DPP6: variants seen among roughly 807,000 people sequenced by gnomAD.
DPP6 encodes the protein dipeptidyl peptidase like 6.
A neutral mutation model predicts 122.6 loss-of-function variants in DPP6; 69 were observed. The observed-to-expected ratio is 0.56, with a 90% CI of 0.46 to 0.69. The LOEUF (loss-of-function observed/expected upper bound fraction) is 0.69, where lower values mean the gene tolerates loss of function less well. DPP6 is among the 30% of genes least tolerant of loss of function. The pLI, the probability that DPP6 is intolerant of heterozygous loss-of-function variation, is 0.00. For missense variants in DPP6, 928 were observed against 1,116.9 expected, an observed-to-expected ratio of 0.83 and a Z score of 2.41; for synonymous variants, 418 against 433.1, an observed-to-expected ratio of 0.97 and a Z score of 0.43.
chr7:154,726,691 T>C (rs965997433), intron 7 of DPP6, among the ~76,000 whole-genome samples: 2 of 152,236 alleles, frequency 1.3e-5, no homozygotes, highest in African/African-American at 4.8e-5. Flanking sequence ...TCCTTTTACT[T>C]ATGCAAATTT....
intron 1 of DPP6, among the ~76,000 whole-genome samples, chr7:154,219,918 A>G (rs1194199942): frequency 6.6e-6 from 1 of 152,230 alleles, no homozygotes; most frequent in Non-Finnish European, 1.5e-5. Flanking sequence ...AAAGGCTGCC[A>G]AACCATTTCA....
chr7:154,772,714 C>T, intron 9 of DPP6, 131 bp from the exon 10 acceptor site: 1 of 1,235,476 alleles, frequency 8.1e-7, no homozygotes, highest in Non-Finnish European at 1.1e-6. Flanking sequence ...CACATTAATT[C>T]TGCTCCTTAA....
intron 1 of DPP6, among the ~76,000 whole-genome samples, chr7:153,909,005 G>A (rs1442239631): frequency 6.6e-6 from 1 of 152,142 alleles, no homozygotes; most frequent in Non-Finnish European, 1.5e-5. Context: ...GCCCGCCTCA[G>A]CCTTCCAAAG....
chr7:154,698,538 C>A (rs567014717), intron 7 of DPP6, among the ~76,000 whole-genome samples: 1 of 152,280 alleles, frequency 6.6e-6, no homozygotes, highest in Admixed American at 6.5e-5. Context: ...AAAAAGATCT[C>A]TGCTAATATA....
intron 1 of DPP6, among the ~76,000 whole-genome samples, chr7:153,966,606 T>A (rs781660230): frequency 1.2e-5 from 1 of 83,998 alleles, no homozygotes; most frequent in Non-Finnish European, 2.5e-5. Context: ...TAGCCCTTTT[T>A]TTTTAAAAAA....
intron 16 of DPP6, among the ~76,000 whole-genome samples, chr7:154,810,417 G>A (rs1050899398): frequency 3.9e-5 from 6 of 152,206 alleles, no homozygotes; most frequent in South Asian, 4.1e-4. Flanking sequence ...GCCTGGTGTT[G>A]GGAGGCTGCT....
At chr7:153,810,655 C>T in the DPP6 span, among the ~76,000 whole-genome samples, 4,679 of 61,114 alleles carry the variant, frequency 0.077, 231 homozygotes, top group African/African-American at 0.21. Flanking sequence ...CAAATCGCTC[C>T]CTCTCCTCTC....
chr7:154,314,099 A>G (rs1807213473), intron 1 of DPP6, among the ~76,000 whole-genome samples: 1 of 152,124 alleles, frequency 6.6e-6, no homozygotes, highest in Non-Finnish European at 1.5e-5. Flanking sequence ...TGACTTGCCA[A>G]TAGCTAACTT....
At chr7:154,206,341 T>A (rs183919528) in intron 1 of DPP6, among the ~76,000 whole-genome samples, 1 of 152,348 alleles carries the variant, frequency 6.6e-6, no homozygotes, top group Admixed American at 6.5e-5. Context: ...TCTAAGCCTG[T>A]GCACCACCCA....
chr7:153,975,388 ACTCT>A (rs200881823), intron 1 of DPP6, among the ~76,000 whole-genome samples: 2,863 of 146,976 alleles, frequency 0.019, 92 homozygotes, highest in African/African-American at 0.068. Context: ...GATTTTCTAG[ACTCT>A]CTATTAGAGA....
At chr7:153,989,992 C>CAA (rs1797078749) in intron 1 of DPP6, among the ~76,000 whole-genome samples, 1 of 134,668 alleles carries the variant, frequency 7.4e-6, no homozygotes, top group African/African-American at 2.8e-5. Context: ...CACCCCCCTG[C>CAA]CAGCCTTGCC....
intron 1 of DPP6, among the ~76,000 whole-genome samples, chr7:153,888,584 A>G (rs1009197027): frequency 6.6e-6 from 1 of 151,824 alleles, no homozygotes; most frequent in African/African-American, 2.4e-5. Flanking sequence ...CGAGGACGAG[A>G]GAGTTGCCAT....
intron 1 of DPP6, among the ~76,000 whole-genome samples, chr7:154,166,100 C>A (rs538474703): frequency 7.0e-4 from 107 of 152,346 alleles, no homozygotes; most frequent in African/African-American, 2.5e-3. Context: ...TGCTTCCTCA[C>A]TGGGATGTGG....
At chr7:154,232,155 T>C (rs574342380) in intron 1 of DPP6, among the ~76,000 whole-genome samples, 1 of 152,072 alleles carries the variant, frequency 6.6e-6, no homozygotes, top group East Asian at 1.9e-4. Context: ...TGAGGTGAGA[T>C]GACAAAGGGG....
At chr7:153,940,055 T>C (rs1324116827) in intron 1 of DPP6, among the ~76,000 whole-genome samples, 2 of 152,140 alleles carry the variant, frequency 1.3e-5, no homozygotes, top group African/African-American at 4.8e-5. Context: ...TTCTCACAAG[T>C]AAAATCATGC....
At chr7:153,952,358 A>G (rs1433928182) in intron 1 of DPP6, among the ~76,000 whole-genome samples, 8 of 152,280 alleles carry the variant, frequency 5.3e-5, no homozygotes, top group African/African-American at 1.7e-4. Context: ...CTAAGGCCAG[A>G]AAGATTAAGA....
intron 1 of DPP6, among the ~76,000 whole-genome samples, chr7:154,116,093 CAT>C (rs1305721965): frequency 6.6e-6 from 1 of 150,568 alleles, no homozygotes; most frequent in African/African-American, 2.4e-5. Context: ...GCTTATCCAT[CAT>C]ATTTATATAT....
In DPP6 at chr7:154,540,775, G is replaced by T. The variant is rs921610743; in HGVS notation, c.552+149G>T. ...TACAGGCTGAGCAACCAAAGATAATGTGAAATTGAAACCACGCTAATTCAA... is the reference window on the plus strand; with the variant it reads ...TACAGGCTGAGCAACCAAAGATAATTTGAAATTGAAACCACGCTAATTCAA... On this transcript the variant is annotated intron_variant, in intron 4 of 25. Transcript: ENST00000377770. The T allele has an allele frequency of 5.3e-6, 3 of 564,602 alleles. No homozygotes were observed. The Admixed American group carries it at 1.1e-4, about 21-fold the overall frequency. The allele number at this position is 564,602 out of a possible 1,614,324, so 35.0% of individuals were successfully genotyped here.
At chr7:154,348,436 T>G (rs1284231170) in intron 1 of DPP6, among the ~76,000 whole-genome samples, 1 of 152,190 alleles carries the variant, frequency 6.6e-6, no homozygotes, top group Non-Finnish European at 1.5e-5. Context: ...GACCTGAAGT[T>G]TCCAATATCA....
Sources: allele counts gnomAD v4.1 joint callset (sites outside exome capture counted in the v4.1 genomes callset), GRCh38; gene constraint gnomAD v4.1.1; transcripts MANE v1.5; gene names NCBI Gene and HGNC (gene_info 2026-07-23, HGNC 2026-07-21).